ZNF711: variants seen among roughly 807,000 people sequenced by gnomAD.
ZNF711 encodes the protein ZFX family zinc finger ZNF711, also known as zinc finger protein 711.
In ZNF711, 3 loss-of-function variants were observed where a neutral mutation model predicts 43.5. The ratio of observed to expected loss-of-function variants is 0.07; its 90% confidence interval spans 0.03 to 0.18. The LOEUF is 0.18. Among genes scored for constraint, ZNF711 ranks in the 10% least tolerant of loss-of-function variants. The pLI, the probability that ZNF711 is intolerant of heterozygous loss-of-function variation, is 1.00. For missense variants in ZNF711, 412 were observed against 604.0 expected (o/e 0.68, Z 3.33); for synonymous variants, 209 against 207.7 (o/e 1.01, Z -0.06).
chrX:85,268,248 CA>C (rs773485948), intron 8 of ZNF711, 45 bp from the exon 9 acceptor site: 19 of 1,126,247 alleles, frequency 1.7e-5, no homozygotes, highest in Non-Finnish European at 2.1e-5. Flanking sequence ...TTATAATTAG[CA>C]TATCAGTTTG....
At chrX:85,267,168 T>C in intron 7 of ZNF711, 110 bp from the exon 8 acceptor site, 1 of 668,894 alleles carries the variant, frequency 1.5e-6, no homozygotes, top group South Asian at 5.2e-5. Context: ...TATAAATTTT[T>C]AAATTAACCA....
Position 85,271,272 on chromosome X carries a change from T to A in ZNF711, c.1868T>A (p.Leu623His). 1 of 1,209,925 alleles carries A rather than the reference T, an allele frequency of 8.3e-7. No homozygotes were observed. The highest frequency in any genetic ancestry group is 3.0e-5 in the East Asian group (1 of 33,718). The change falls in exon 11 of 11, where the codon CTT (leucine) becomes CAT (histidine). Residue 623 changes from leucine (L) to histidine (H), a missense_variant. Transcript: ENST00000674551. ...CAAGCATTTGGTGATGAGAGGGAGC[T>A]TCAACGCCATCTGGATTTGTTTCAA... ...CPQAFGDERE[L>H]QRHLDLFQGH...
At chrX:85,259,370 A>G (rs1930441316) in intron 5 of ZNF711, among the ~76,000 whole-genome samples, 1 of 110,244 alleles carries the variant, frequency 9.1e-6, no homozygotes, top group Non-Finnish European at 1.9e-5. Flanking sequence ...GCTTAGGGTT[A>G]TTTTGGCTAT....
In ZNF711 at chrX:85,253,453, T is replaced by C. The variant is rs140619391; in HGVS notation, c.80-1806T>C. On this transcript the variant is annotated intron_variant, in intron 4 of 10. Coordinates refer to ENST00000674551, the MANE Select transcript of ZNF711 (RefSeq NM_001330574.2). ...TTATTTTAATTTTTTGAAACAATTA[T>C]AGACTCACAAGCAATAGAGCAAAGG... 1.5e-3 allele frequency among the ~76,000 whole-genome samples: 170 copies of C among 111,358 alleles called. No individual in the cohort carries two copies. The South Asian group carries it at 0.015, about 10-fold the overall frequency.
Position 85,247,031 on chromosome X carries a change from A to C in ZNF711, c.-184A>C. On this transcript the variant is annotated 5_prime_UTR_variant, in exon 3 of 11. Transcript: ENST00000674551. ...TTCAAAGAACTCCGGGGAAACTGGGATAGAACATTTTACATTATAAGTAGA... is the reference window on the plus strand; with the variant it reads ...TTCAAAGAACTCCGGGGAAACTGGGCTAGAACATTTTACATTATAAGTAGA... 2 of 297,134 alleles carry C rather than the reference A, an allele frequency of 6.7e-6. No homozygotes were observed. The highest frequency in any genetic ancestry group is 1.2e-5 in the Non-Finnish European group (2 of 170,186). The allele number at this position is 297,134 out of a possible 1,213,427, so 24.5% of individuals were successfully genotyped here. A position where few individuals can be genotyped will look rare whatever the true frequency, so the allele number is the denominator to read the frequency against.
At chrX:85,254,333 G>T (rs553201413) in intron 4 of ZNF711, among the ~76,000 whole-genome samples, 1 of 81,544 alleles carries the variant, frequency 1.2e-5, no homozygotes, top group African/African-American at 6.1e-5. Context: ...GGCCGGGCGC[G>T]GTGGCTCACG....
At chrX:85,247,715 A>G in intron 4 of ZNF711, 64 bp downstream of exon 4, 1 of 932,139 alleles carries the variant, frequency 1.1e-6, no homozygotes, top group Non-Finnish European at 1.6e-6. Context: ...AAAAATCAAA[A>G]ATAAGTTGAG....
intron 8 of ZNF711, among the ~76,000 whole-genome samples, chrX:85,267,670 TGC>T (rs1444406524): frequency 3.6e-5 from 4 of 111,582 alleles, no homozygotes; most frequent in Non-Finnish European, 7.6e-5. Flanking sequence ...TATAAGTGAG[TGC>T]CATAAAAAAT....
chrX:85,251,630 T>C (rs761129932), intron 4 of ZNF711, among the ~76,000 whole-genome samples: 1 of 111,644 alleles, frequency 9.0e-6, no homozygotes, highest in East Asian at 2.8e-4. Flanking sequence ...TTTTTTCTTA[T>C]TGTTTATAAT....
chrX:85,254,790 A>G (rs1250239258), intron 4 of ZNF711, among the ~76,000 whole-genome samples: 1 of 98,085 alleles, frequency 1.0e-5, no homozygotes, highest in Admixed American at 1.1e-4. Flanking sequence ...CGATAGAGCG[A>G]GACTCCGTCT....
At chrX:85,253,474 AAAG>A (rs1339848094) in intron 4 of ZNF711, among the ~76,000 whole-genome samples, 1 of 111,249 alleles carries the variant, frequency 9.0e-6, no homozygotes, top group East Asian at 2.8e-4. Flanking sequence ...GCAATAGAGC[AAAG>A]GAGTACATAC....
chrX:85,264,347 A>G lies in ZNF711; in HGVS notation c.695A>G (p.Glu232Gly), dbSNP rs2147853925. The change falls in exon 6 of 11, where the codon GAA becomes GGA. Residue 232 changes from glutamate (E) to glycine (G), a missense_variant. By Grantham distance (98) the Glu-to-Gly change is moderately conservative. Transcript: ENST00000674551. ...PLKIGSDGSQ[E>G]DAKEDGFGSE... ...AAAATTGGCAGTGATGGTTCACAAG[A>G]AGATGCTAAAGAAGATGGGTTTGGT... The G allele has an allele frequency of 1.7e-6, 2 of 1,203,231 alleles. No homozygotes were observed. The highest frequency in any genetic ancestry group is 2.2e-5 in the Admixed American group (1 of 45,456).
At position 85,253,491 on chromosome X, in the gene ZNF711, C is replaced by G. The variant is rs150475420; in HGVS notation, c.80-1768C>G. On this transcript the variant is annotated intron_variant, in intron 4 of 10. Transcript: ENST00000674551. ...AATAGAGCAAAGGAGTACATACAGTCCATGTACCCTTTACTTACCTTCCTG... is the reference window on the plus strand; with the variant it reads ...AATAGAGCAAAGGAGTACATACAGTGCATGTACCCTTTACTTACCTTCCTG... Among the ~76,000 whole-genome samples the G allele has an allele frequency of 1.5e-3, 166 of 111,072 alleles. 2 individuals are homozygous for G. The highest frequency in any genetic ancestry group is 0.014 in the East Asian group (48 of 3,531).
intron 5 of ZNF711, 44 bp from the exon 6 acceptor site, chrX:85,264,231 C>G: frequency 9.2e-7 from 1 of 1,090,635 alleles, no homozygotes; most frequent in Non-Finnish European, 1.3e-6. Flanking sequence ...TGTTTTTTGT[C>G]AATGGTATTT....
At chrX:85,257,275 C>G (rs1021153147) in intron 5 of ZNF711, among the ~76,000 whole-genome samples, 1 of 111,076 alleles carries the variant, frequency 9.0e-6, no homozygotes, top group African/African-American at 3.3e-5. Context: ...CTCCTAGGTA[C>G]TGAGCATAGT....
In ZNF711 at chrX:85,273,026, A is replaced by G. The variant is rs1931670993; in HGVS notation, c.*1198A>G. ...CCTGTTCATAAATGTAATGCATATG[A>G]TATGTACTTTTAAGTTTTAGTTGCT... On this transcript the variant is annotated 3_prime_UTR_variant, in exon 11 of 11. Coordinates refer to ENST00000674551, the MANE Select transcript of ZNF711 (RefSeq NM_001330574.2). The G allele has an allele frequency of 8.9e-6, 1 of 112,068 alleles. No individual in the cohort carries two copies. Among genetic ancestry groups the G allele is most frequent in the Admixed American group, 9.5e-5 (1 of 10,490 alleles). The allele number at this position is 112,068 out of a possible 1,213,427, so 9.2% of individuals were successfully genotyped here.
chrX:85,262,480 T>C (rs994826461), intron 5 of ZNF711, among the ~76,000 whole-genome samples: 2 of 110,929 alleles, frequency 1.8e-5, no homozygotes, highest in African/African-American at 6.5e-5. Flanking sequence ...CTGTTTTTAA[T>C]TAATGAGAAT....
chrX:85,269,867 C>A, intron 9 of ZNF711, 136 bp from the exon 10 acceptor site: 2 of 575,535 alleles, frequency 3.5e-6, no homozygotes, highest in Non-Finnish European at 5.8e-6. Flanking sequence ...GAAAGAGAAT[C>A]ATAAGATGGA....
intron 8 of ZNF711, 150 bp downstream of exon 8, chrX:85,267,565 T>C: frequency 2.5e-6 from 1 of 399,062 alleles, no homozygotes; most frequent in East Asian, 4.8e-5. Flanking sequence ...CTAGTTACTT[T>C]AGATGATTTT....
Sources: gnomAD v4.1 joint callset for allele counts (sites outside exome capture counted in the v4.1 genomes callset) on GRCh38, gnomAD v4.1.1 for gene constraint, MANE v1.5 for transcripts, NCBI Gene and HGNC (gene_info 2026-07-23, HGNC 2026-07-21) for gene names.